The following CDH18 variants were observed in gnomAD, a reference collection of about 807,000 sequenced individuals.
CDH18 encodes cadherin 18.
In CDH18, 31 loss-of-function variants were observed where a neutral mutation model predicts 67.9. The ratio of observed to expected loss-of-function variants is 0.46; its 90% CI spans 0.34 to 0.62. The LOEUF (loss-of-function observed/expected upper bound fraction) is 0.62, where lower values mean the gene tolerates loss of function less well. Among genes scored for constraint, CDH18 ranks in the 20% least tolerant of loss-of-function variants. The probability of loss-of-function intolerance (pLI) is 0.01; values close to 1 mark genes in which losing one functional copy is unlikely to be tolerated. For missense variants in CDH18, 890 were observed against 975.5 expected (o/e 0.91, Z 1.17); for synonymous variants, 362 against 347.2 (o/e 1.04, Z -0.48).
chr5:19,645,214 A>T (rs1450093816), intron 5 of CDH18, among the ~76,000 whole-genome samples: 1 of 152,212 alleles, frequency 6.6e-6, no homozygotes, highest in Non-Finnish European at 1.5e-5. Flanking sequence ...TATGTAGTTG[A>T]TTCAGTTTGA....
chr5:19,673,036 C>T (rs987588989), intron 5 of CDH18, among the ~76,000 whole-genome samples: 17 of 151,836 alleles, frequency 1.1e-4, no homozygotes, highest in Admixed American at 2.0e-4. Context: ...CAATCAAGGA[C>T]AAGAAAATAT....
At chr5:19,706,043 C>T (rs1425132551) in intron 5 of CDH18, among the ~76,000 whole-genome samples, 1 of 152,074 alleles carries the variant, frequency 6.6e-6, no homozygotes, top group Non-Finnish European at 1.5e-5. Context: ...ACTTTAGCTC[C>T]AAAAGTGGAG....
chr5:20,242,636 A>ATATATATATGTG, intron 2 of CDH18, among the ~76,000 whole-genome samples: 1 of 58,388 alleles, frequency 1.7e-5, no homozygotes, highest in African/African-American at 9.2e-5. Context: ...ATATATATGT[A>ATATATATATGTG]TATATATATA....
intron 6 of CDH18, among the ~76,000 whole-genome samples, chr5:19,596,572 A>C (rs189546874): frequency 2.6e-5 from 4 of 152,292 alleles, no homozygotes; most frequent in Admixed American, 2.0e-4. Context: ...AAATAAATAC[A>C]TTATAGAATT....
intron 1 of CDH18, among the ~76,000 whole-genome samples, chr5:20,452,746 CCCTAAA>C (rs1161675025): frequency 2.6e-5 from 4 of 151,840 alleles, no homozygotes; most frequent in Admixed American, 2.6e-4. Flanking sequence ...GCACACGTAC[CCCTAAA>C]CCTAAATTAA....
chr5:20,575,117 A>C (rs1759045259), intron 1 of CDH18, among the ~76,000 whole-genome samples: 2 of 152,280 alleles, frequency 1.3e-5, no homozygotes, highest in South Asian at 4.1e-4. Context: ...TTTAACAGCT[A>C]AAAACAATAT....
intron 2 of CDH18, among the ~76,000 whole-genome samples, chr5:20,242,834 G>A (rs1024029534): frequency 1.3e-5 from 2 of 151,352 alleles, no homozygotes; most frequent in Admixed American, 1.3e-4. Flanking sequence ...CTTTATTTCT[G>A]ACCTAATCTT....
intron 2 of CDH18, among the ~76,000 whole-genome samples, chr5:19,954,137 A>G (rs947984071): frequency 6.6e-6 from 1 of 152,078 alleles, no homozygotes; most frequent in Non-Finnish European, 1.5e-5. Context: ...CAAATCTAGC[A>G]CTTGGATCAT....
At position 19,472,521 on chromosome 5, in the gene CDH18, G is replaced by C. The variant is rs141345282; in HGVS notation, c.*705C>G. 1.8e-3 allele frequency among the ~76,000 whole-genome samples: 274 copies of C among 152,088 alleles called. No individual in the cohort carries two copies. Among genetic ancestry groups the C allele is most frequent in the African/African-American group, 6.5e-3 (269 of 41,514 alleles). ...TAGGAGTATCCCATTAAAATAAAAG[G>C]GGGTGTACGGGATAGAGACAATAGT... On this transcript the variant is annotated 3_prime_UTR_variant, in exon 13 of 13. Transcript: ENST00000382275.
chr5:20,006,453 T>TG (rs560398389), intron 2 of CDH18, among the ~76,000 whole-genome samples: 287 of 152,090 alleles, frequency 1.9e-3, no homozygotes, highest in African/African-American at 6.4e-3. Flanking sequence ...TATTTGGAAC[T>TG]GTTAGAATTT....
chr5:19,757,352 G>A (rs541328597), intron 3 of CDH18, among the ~76,000 whole-genome samples: 18 of 152,292 alleles, frequency 1.2e-4, no homozygotes, highest in East Asian at 9.7e-4. Context: ...TGATCTCCCC[G>A]AGGAATGGTG....
intron 1 of CDH18, among the ~76,000 whole-genome samples, chr5:20,483,521 C>T (rs926390267): frequency 6.6e-6 from 1 of 151,780 alleles, no homozygotes; most frequent in Non-Finnish European, 1.5e-5. Flanking sequence ...TCAAATTATA[C>T]TATAAAGTTA....
At chr5:20,130,078 A>ATTATTATTATTATTATTATTATTATTG (rs1554093992) in intron 2 of CDH18, among the ~76,000 whole-genome samples, 32 of 142,136 alleles carry the variant, frequency 2.3e-4, no homozygotes, top group African/African-American at 7.5e-4. Flanking sequence ...TATTATTGTT[A>ATTATTATTATTATTATTATTATTATTG]TTATTATTAT....
chr5:20,315,731 T>C (rs765108351), intron 1 of CDH18, among the ~76,000 whole-genome samples: 1 of 152,160 alleles, frequency 6.6e-6, no homozygotes, highest in Non-Finnish European at 1.5e-5. Context: ...GATTGACATC[T>C]TTTCATAATT....
intron 2 of CDH18, among the ~76,000 whole-genome samples, chr5:19,896,224 T>A (rs948209053): frequency 1.3e-5 from 2 of 151,884 alleles, no homozygotes; most frequent in African/African-American, 4.8e-5. Context: ...CAGGGCATGG[T>A]GGTGGCAGCC....
At chr5:19,512,876 C>T (rs1246326135) in intron 10 of CDH18, among the ~76,000 whole-genome samples, 1 of 151,840 alleles carries the variant, frequency 6.6e-6, no homozygotes, top group Non-Finnish European at 1.5e-5. Flanking sequence ...TCCACTTATA[C>T]CTTTTGATGT....
chr5:20,529,666 A>T lies in CDH18; in HGVS notation c.-580+45796T>A, dbSNP rs117369068. Among the ~76,000 whole-genome samples the T allele has an allele frequency of 5.5e-4, 84 of 152,238 alleles. 2 individuals carry two copies. The East Asian group carries it at 0.016, about 29-fold the overall frequency. On this transcript the variant is annotated intron_variant, in intron 1 of 14. Transcript: ENST00000507958. ...ATGATTATCTCAATAGACACAGAAA[A>T]GACCTTCAATAAAATTCAACATCTC...
intron 5 of CDH18, among the ~76,000 whole-genome samples, chr5:19,647,924 C>A (rs528434543): frequency 6.6e-6 from 1 of 152,128 alleles, no homozygotes; most frequent in South Asian, 2.1e-4. Flanking sequence ...TTAGGTCTGT[C>A]TTGGTAATCA....
chr5:19,969,532 A>G (rs1014214025), intron 2 of CDH18, among the ~76,000 whole-genome samples: 2 of 150,186 alleles, frequency 1.3e-5, no homozygotes, highest in Admixed American at 6.6e-5. Context: ...TGATGAGTTC[A>G]TGTCCTTTGT....
Sources: allele counts gnomAD v4.1 joint callset (sites outside exome capture counted in the v4.1 genomes callset), GRCh38; gene constraint gnomAD v4.1.1; transcripts MANE v1.5; gene names NCBI Gene and HGNC (gene_info 2026-07-23, HGNC 2026-07-21).